CNIH3: variants seen among roughly 807,000 people sequenced by gnomAD.
The protein encoded by CNIH3 is protein cornichon homolog 3.
Under a neutral mutation model 24.1 loss-of-function variants are expected in CNIH3, and 14 were observed. That is an observed-to-expected ratio of 0.58 (90% confidence interval 0.38 to 0.91). CNIH3 has a LOEUF of 0.91. CNIH3 is among the 40% of genes least tolerant of loss of function. The pLI is 0.00. For missense variants in CNIH3, 178 were observed against 196.8 expected, an observed-to-expected ratio of 0.90 and a Z score of 0.57; for synonymous variants, 68 against 73.8, an observed-to-expected ratio of 0.92 and a Z score of 0.40.
chr1:224,665,450 G>A (rs1461849035), intron 1 of CNIH3, among the ~76,000 whole-genome samples: 3 of 152,210 alleles, frequency 2.0e-5, no homozygotes, highest in Non-Finnish European at 4.4e-5. Context: ...ACTGGGCCAA[G>A]GATATGAAGA....
chr1:224,738,436 AG>A (rs1689705681), intron 5 of CNIH3, among the ~76,000 whole-genome samples: 1 of 152,096 alleles, frequency 6.6e-6, no homozygotes, highest in Non-Finnish European at 1.5e-5. Context: ...TGTGTACATG[AG>A]GTGTGTGAGG....
At position 224,459,672 on chromosome 1, in the gene CNIH3, C is replaced by T. The variant is rs140744953; in HGVS notation, n.203+24810C>T. On this transcript the variant is annotated intron_variant and non_coding_transcript_variant, in intron 1 of 5. Transcript: ENST00000471578. The stretch of plus-strand genomic sequence containing the variant: ...ATAGATAGTAGTGTCTCTTAGCTTC[C>T]GTTTAAATATGGGGGTAGCGATGTG... Among the ~76,000 whole-genome samples the T allele has an allele frequency of 4.3e-4, 65 of 152,014 alleles. No individual in the cohort carries two copies. In the East Asian group the frequency reaches 7.4e-3, roughly 17 times the overall value.
At chr1:224,540,648 C>A (rs978890999), downstream of CNIH3, among the ~76,000 whole-genome samples, 1 of 152,136 alleles carries the variant, frequency 6.6e-6, no homozygotes, top group African/African-American at 2.4e-5. Context: ...AAACCCCTAC[C>A]TCCAGCTCAT....
intron 1 of CNIH3, among the ~76,000 whole-genome samples, chr1:224,444,664 A>G (rs919075780): frequency 6.8e-6 from 1 of 146,862 alleles, no homozygotes; most frequent in Non-Finnish European, 1.5e-5. Flanking sequence ...TTTTTTTTTT[A>G]GACGGAATCT....
At chr1:224,709,888 G>A (rs1254255259) in intron 3 of CNIH3, among the ~76,000 whole-genome samples, 3 of 152,142 alleles carry the variant, frequency 2.0e-5, no homozygotes, top group Non-Finnish European at 4.4e-5. Context: ...GTTGCAGATA[G>A]TACCAAGCTG....
chr1:224,472,636 A>C (rs1676418886), intron 1 of CNIH3, among the ~76,000 whole-genome samples: 1 of 152,138 alleles, frequency 6.6e-6, no homozygotes, highest in African/African-American at 2.4e-5. Context: ...GGACCTGGGG[A>C]AAAGGATTGA....
chr1:224,498,903 T>C (rs910190446), intron 1 of CNIH3, among the ~76,000 whole-genome samples: 1 of 152,228 alleles, frequency 6.6e-6, no homozygotes, highest in African/African-American at 2.4e-5. Flanking sequence ...TCGCATTTTT[T>C]TGTGGATCTG....
At chr1:224,500,475 C>A (rs1380490182) in intron 1 of CNIH3, among the ~76,000 whole-genome samples, 1 of 152,118 alleles carries the variant, frequency 6.6e-6, no homozygotes, top group Non-Finnish European at 1.5e-5. Flanking sequence ...AGTTGGAAAC[C>A]AGCCTGGCCA....
chr1:224,502,624 C>T (rs548046358), intron 1 of CNIH3, among the ~76,000 whole-genome samples: 6 of 152,194 alleles, frequency 3.9e-5, no homozygotes, highest in East Asian at 3.9e-4. Flanking sequence ...GGGCGGGGCC[C>T]GTGCCAGGGG....
intron 1 of CNIH3, among the ~76,000 whole-genome samples, chr1:224,469,904 C>G (rs1676298121): frequency 6.6e-6 from 1 of 151,876 alleles, no homozygotes; most frequent in Non-Finnish European, 1.5e-5. Flanking sequence ...GTGATGAATT[C>G]TGCCAGATTT....
At chr1:224,712,802 C>T (rs1297589941) in intron 3 of CNIH3, among the ~76,000 whole-genome samples, 2 of 152,148 alleles carry the variant, frequency 1.3e-5, no homozygotes, top group Admixed American at 1.3e-4. Flanking sequence ...CCAATATCTG[C>T]CTTATTATGT....
At chr1:224,514,883 C>T (rs1191036855), upstream of CNIH3, among the ~76,000 whole-genome samples, 1 of 152,162 alleles carries the variant, frequency 6.6e-6, no homozygotes, top group Admixed American at 6.5e-5. Flanking sequence ...CCCTTCTCTG[C>T]CTCCCATACT....
chr1:224,709,918 C>G (rs1413756612), intron 3 of CNIH3, among the ~76,000 whole-genome samples: 1 of 152,092 alleles, frequency 6.6e-6, no homozygotes, highest in East Asian at 1.9e-4. Flanking sequence ...CTATGTTTTT[C>G]CTATCCATAC....
intron 3 of CNIH3, among the ~76,000 whole-genome samples, chr1:224,709,095 G>A (rs111533852): frequency 0.01 from 1,535 of 152,264 alleles, 25 homozygotes; most frequent in African/African-American, 0.034. Flanking sequence ...TGACCACCAC[G>A]CGCGTCTGTC....
At chr1:224,441,112 G>A (rs909035939) in intron 1 of CNIH3, among the ~76,000 whole-genome samples, 3 of 152,076 alleles carry the variant, frequency 2.0e-5, no homozygotes, top group East Asian at 1.9e-4. Flanking sequence ...CACCGTGCCC[G>A]GCCAGTATGA....
intron 1 of CNIH3, among the ~76,000 whole-genome samples, chr1:224,467,945 G>A (rs1287473517): frequency 2.0e-5 from 3 of 148,254 alleles, no homozygotes; most frequent in African/African-American, 7.5e-5. Flanking sequence ...TGAAAGGGCC[G>A]TCCTTCCTCT....
intron 1 of CNIH3, among the ~76,000 whole-genome samples, chr1:224,520,047 CA>C (rs891771352): frequency 6.6e-6 from 1 of 152,108 alleles, no homozygotes; most frequent in Non-Finnish European, 1.5e-5. Flanking sequence ...TGAAAAACAG[CA>C]AACCTTTCTC....
chr1:224,740,328 T>C lies in CNIH3; in HGVS notation c.*972T>C, dbSNP rs1230430657. 6.6e-6 allele frequency: 1 copy of C among 152,226 alleles called. No individual in the cohort carries two copies. The highest frequency in any genetic ancestry group is 2.4e-5 in the African/African-American group (1 of 41,458). 9.4% of individuals were successfully genotyped at this position (152,226 alleles called of 1,614,324 possible). On this transcript the variant is annotated 3_prime_UTR_variant, in exon 6 of 6. Coordinates refer to ENST00000272133, the MANE Select transcript of CNIH3 (RefSeq NM_152495.2). Reference sequence around the variant, plus strand: ...ATTCTCTTTTGGGTGGGAGTTATGCTGGGGGTTGTAAATAATGACAAGGCT... The same window carrying C: ...ATTCTCTTTTGGGTGGGAGTTATGCCGGGGGTTGTAAATAATGACAAGGCT...
At chr1:224,694,484 T>A (rs1347893615) in intron 3 of CNIH3, among the ~76,000 whole-genome samples, 2 of 152,190 alleles carry the variant, frequency 1.3e-5, no homozygotes, top group Non-Finnish European at 2.9e-5. Context: ...CCACCCAGGA[T>A]AGTTAATTTT....
Sources: allele counts gnomAD v4.1 joint callset (sites outside exome capture counted in the v4.1 genomes callset), GRCh38; gene constraint gnomAD v4.1.1; transcripts MANE v1.5; gene names NCBI Gene and HGNC (gene_info 2026-07-23, HGNC 2026-07-21).